The following IL1RAP variants were observed in gnomAD, a reference collection of about 807,000 sequenced individuals.
IL1RAP encodes the protein interleukin 1 receptor accessory protein.
Under a neutral mutation model 60.7 loss-of-function variants are expected in IL1RAP, and 35 were observed. The observed-to-expected ratio is 0.58, with a 90% confidence interval of 0.44 to 0.76. The LOEUF (loss-of-function observed/expected upper bound fraction) is 0.76, where lower values mean the gene tolerates loss of function less well. IL1RAP is among the 30% of genes least tolerant of loss of function. The pLI is 0.00. For missense variants in IL1RAP, 572 were observed against 693.9 expected, an observed-to-expected ratio of 0.82 and a Z score of 1.97; for synonymous variants, 268 against 250.9, an observed-to-expected ratio of 1.07 and a Z score of -0.64.
chr3:190,605,344 AAAAAC>A (rs543856398), intron 4 of IL1RAP, among the ~76,000 whole-genome samples: 11 of 152,098 alleles, frequency 7.2e-5, no homozygotes, highest in South Asian at 2.1e-4. Context: ...AAAAAAACAA[AAAAAC>A]AAAACAAAAC....
intron 9 of IL1RAP, among the ~76,000 whole-genome samples, chr3:190,636,404 T>A (rs1733226466): frequency 6.6e-6 from 1 of 152,244 alleles, no homozygotes; most frequent in Non-Finnish European, 1.5e-5. Context: ...ATTTAATACA[T>A]GCTTATTTAG....
At position 190,519,444 on chromosome 3, in the gene IL1RAP, A is replaced by G. The variant is rs116880717; in HGVS notation, c.-89+5225A>G. ...TACAAATGAAAGAACTGAGGCTCAG[A>G]GAGACTTATAGACTTGCCCAAGGTT... On this transcript the variant is annotated intron_variant, in intron 1 of 11. Coordinates refer to ENST00000447382, the MANE Select transcript of IL1RAP (RefSeq NM_002182.4). Among the ~76,000 whole-genome samples the G allele has an allele frequency of 5.4e-4, 82 of 152,286 alleles. No individual in the cohort carries two copies. The East Asian group carries it at 0.015, about 28-fold the overall frequency.
chr3:190,613,636 A>G (rs1186112558), intron 5 of IL1RAP, among the ~76,000 whole-genome samples: 7 of 152,120 alleles, frequency 4.6e-5, no homozygotes, highest in Non-Finnish European at 1.5e-5. Flanking sequence ...AAAGGCAAAC[A>G]ACATGGCCAA....
At chr3:190,584,876 A>G (rs926948496) in intron 3 of IL1RAP, among the ~76,000 whole-genome samples, 21 of 152,282 alleles carry the variant, frequency 1.4e-4, no homozygotes, top group Admixed American at 3.9e-4. Context: ...CAGTATGTTT[A>G]TAGAACTTCT....
At chr3:190,636,761 C>A (rs1197504594) in intron 9 of IL1RAP, among the ~76,000 whole-genome samples, 1 of 152,036 alleles carries the variant, frequency 6.6e-6, no homozygotes, top group Admixed American at 6.5e-5. Flanking sequence ...CCAATCTGAT[C>A]ATTTCTGGCT....
At chr3:190,564,022 C>A in intron 2 of IL1RAP, 1 of 381,060 alleles carries the variant, frequency 2.6e-6, no homozygotes, top group Non-Finnish European at 4.9e-6. Flanking sequence ...TTGTCTCTAG[C>A]CAAAGGATCT....
intron 2 of IL1RAP, among the ~76,000 whole-genome samples, chr3:190,558,749 T>C (rs1725643070): frequency 1.3e-5 from 2 of 152,306 alleles, no homozygotes; most frequent in East Asian, 3.9e-4. Context: ...GAAAAAATCT[T>C]TCTGGGATTT....
At chr3:190,612,713 T>C (rs1201981612) in intron 5 of IL1RAP, among the ~76,000 whole-genome samples, 1 of 152,238 alleles carries the variant, frequency 6.6e-6, no homozygotes, top group Non-Finnish European at 1.5e-5. Context: ...CTTCTTATGA[T>C]TTATGATGGG....
chr3:190,596,950 A>G lies in IL1RAP; in HGVS notation c.65-7178A>G, dbSNP rs145119882. On this transcript the variant is annotated intron_variant, in intron 3 of 11. Transcript: ENST00000447382. ...AAAATGCGCTCAGGTGGCTGTCTAG[A>G]GAACTTAAAAACTCACAGAACTAAT... Among the ~76,000 whole-genome samples the G allele has an allele frequency of 3.5e-4, 54 of 152,324 alleles. 1 individual carries two copies. The highest frequency in any genetic ancestry group is 1.4e-3 in the South Asian group (7 of 4,828).
exon 12 of IL1RAP, chr3:190,656,666 C>A: frequency 9.9e-7 from 1 of 1,005,574 alleles, no homozygotes; most frequent in Non-Finnish European, 1.4e-6. Flanking sequence ...TGTCATGAAC[C>A]TGTGGGAAAA....
intron 5 of IL1RAP, among the ~76,000 whole-genome samples, chr3:190,613,492 A>G (rs1299768209): frequency 5.3e-5 from 8 of 152,182 alleles, no homozygotes; most frequent in Non-Finnish European, 8.8e-5. Flanking sequence ...TGAGAAGAGA[A>G]CTGAGCTAAT....
intron 9 of IL1RAP, among the ~76,000 whole-genome samples, chr3:190,630,914 C>T (rs1055289876): frequency 1.1e-4 from 17 of 152,264 alleles, no homozygotes; most frequent in Non-Finnish European, 2.1e-4. Flanking sequence ...TTTTAAAGTG[C>T]TCAGCACAGT....
intron 1 of IL1RAP, among the ~76,000 whole-genome samples, chr3:190,515,803 C>T (rs1461788559): frequency 6.6e-6 from 1 of 151,588 alleles, no homozygotes; most frequent in Non-Finnish European, 1.5e-5. Flanking sequence ...AGCAACCTTA[C>T]ATTTTTCATC....
chr3:190,564,206 A>C, intron 2 of IL1RAP, 83 bp from the exon 3 acceptor site: 2 of 863,286 alleles, frequency 2.3e-6, no homozygotes, highest in East Asian at 4.8e-5. Flanking sequence ...GTCTATAGTC[A>C]GCAGGCATGA....
intron 5 of IL1RAP, 152 bp from the exon 6 acceptor site, chr3:190,620,123 C>A (rs1294316263): frequency 4.1e-6 from 2 of 486,480 alleles, no homozygotes; most frequent in South Asian, 3.1e-5. Context: ...TCGCAGAAAT[C>A]TTGTCAAATA....
At chr3:190,580,893 T>C (rs1727940476) in intron 3 of IL1RAP, among the ~76,000 whole-genome samples, 2 of 152,214 alleles carry the variant, frequency 1.3e-5, no homozygotes, top group African/African-American at 4.8e-5. Context: ...GCATAGATTG[T>C]GATGATGGTT....
intron 4 of IL1RAP, among the ~76,000 whole-genome samples, chr3:190,604,618 A>T (rs1304017826): frequency 6.6e-6 from 1 of 152,134 alleles, no homozygotes; most frequent in Non-Finnish European, 1.5e-5. Context: ...CTCCAGAGGT[A>T]GTTCCTTCCC....
chr3:190,630,177 A>AAAATCAT, intron 9 of IL1RAP: 1 of 762,674 alleles, frequency 1.3e-6, no homozygotes, highest in Non-Finnish European at 1.6e-6. Flanking sequence ...AAAATCATTT[A>AAAATCAT]AATTATGATT....
chr3:190,516,777 A>G (rs1039297966), intron 1 of IL1RAP, among the ~76,000 whole-genome samples: 6 of 152,254 alleles, frequency 3.9e-5, no homozygotes, highest in Non-Finnish European at 8.8e-5. Flanking sequence ...AATAAATTCA[A>G]TAGAATAATG....
Sources: allele counts gnomAD v4.1 joint callset (sites outside exome capture counted in the v4.1 genomes callset), GRCh38; gene constraint gnomAD v4.1.1; transcripts MANE v1.5; gene names NCBI Gene and HGNC (gene_info 2026-07-23, HGNC 2026-07-21).